The following POTEF variants were observed in gnomAD, a reference collection of about 807,000 sequenced individuals.
POTEF encodes the protein POTE ankyrin domain family member F.
In POTEF, 20 loss-of-function variants were observed where a neutral mutation model predicts 83.2. The observed-to-expected ratio is 0.24, with a 90% CI of 0.17 to 0.35. POTEF has a LOEUF of 0.35. Ranked by LOEUF, POTEF falls within the 10% of genes least tolerant of loss-of-function variation. POTEF has a pLI of 1.00. For missense variants in POTEF, 550 were observed against 1,203.2 expected (o/e 0.46, Z 8.03); for synonymous variants, 196 against 446.4 (o/e 0.44, Z 7.07).
chr2:130,094,982 A>T, intron 11 of POTEF, among the ~76,000 whole-genome samples: 1 of 151,802 alleles, frequency 6.6e-6, no homozygotes, highest in Non-Finnish European at 1.5e-5. Flanking sequence ...TTAAAAATGC[A>T]GACAATTACC....
chr2:130,115,778 A>C (rs1684830220), intron 3 of POTEF, among the ~76,000 whole-genome samples: 2 of 152,278 alleles, frequency 1.3e-5, no homozygotes, highest in Admixed American at 1.3e-4. Flanking sequence ...TACTAATACC[A>C]CTAAAGACAA....
intron 3 of POTEF, among the ~76,000 whole-genome samples, chr2:130,116,516 G>C (rs201286226): frequency 6.3e-4 from 91 of 145,256 alleles, no homozygotes; most frequent in South Asian, 8.9e-4. Context: ...CCTTCACCCT[G>C]TAATAGGCCC....
chr2:130,091,506 TTG>T (rs1457793851), intron 12 of POTEF, among the ~76,000 whole-genome samples: 1 of 152,258 alleles, frequency 6.6e-6, no homozygotes, highest in Admixed American at 6.5e-5. Flanking sequence ...CCTTTCGATG[TTG>T]TGTTGTGAGA....
intron 6 of POTEF, among the ~76,000 whole-genome samples, chr2:130,111,739 T>C (rs574656299): frequency 6.7e-6 from 1 of 148,940 alleles, no homozygotes; most frequent in South Asian, 2.1e-4. Flanking sequence ...TGAAATCCTT[T>C]AAGCTAACAT....
intron 11 of POTEF, among the ~76,000 whole-genome samples, chr2:130,095,280 C>T (rs1282883865): frequency 1.3e-5 from 1 of 78,002 alleles, no homozygotes; most frequent in African/African-American, 8.0e-5. Flanking sequence ...TCCCAAAGTG[C>T]TTTGATTACA....
Position 130,102,611 on chromosome 2 carries a change from T to C in POTEF, c.1127-431A>G, listed in dbSNP as rs1277909087. On this transcript the variant is annotated intron_variant, in intron 8 of 16. Coordinates refer to ENST00000409914, the MANE Select transcript of POTEF (RefSeq NM_001099771.2). ...CAGGAAAGGTCGTGGTGACCCTGCC[T>C]GAGAAGCCAGAGCCCACAGGTATGG... Among the ~76,000 whole-genome samples the C allele has an allele frequency of 2.3e-4, 34 of 149,326 alleles. No individual in the cohort carries two copies. In the Admixed American group the frequency reaches 2.3e-3, roughly 10 times the overall value.
chr2:130,103,293 G>A (rs1245980170), intron 8 of POTEF, among the ~76,000 whole-genome samples: 1 of 150,112 alleles, frequency 6.7e-6, no homozygotes, highest in Non-Finnish European at 1.5e-5. Flanking sequence ...AGTAGAGACG[G>A]GGTTTCACCA....
chr2:130,125,376 C>G (rs147601021), intron 2 of POTEF, among the ~76,000 whole-genome samples: 2,741 of 149,220 alleles, frequency 0.018, 258 homozygotes, highest in African/African-American at 0.068. Flanking sequence ...ACATATTCTT[C>G]CATGTATCAA....
chr2:130,118,712 T>A (rs1320539213), intron 3 of POTEF, among the ~76,000 whole-genome samples: 1 of 151,314 alleles, frequency 6.6e-6, no homozygotes, highest in Non-Finnish European at 1.5e-5. Flanking sequence ...AGTATATATA[T>A]AAATATATAT....
chr2:130,108,186 G>A (rs377672158), intron 7 of POTEF, 107 bp from the exon 8 acceptor site: 1 of 1,464,778 alleles, frequency 6.8e-7, no homozygotes, highest in Non-Finnish European at 9.2e-7. Context: ...CAGAATAACA[G>A]AACTTAATAG....
chr2:130,091,707 GTAAATT>G (rs1684132586), intron 12 of POTEF, among the ~76,000 whole-genome samples: 1 of 119,076 alleles, frequency 8.4e-6, no homozygotes, highest in East Asian at 2.8e-4. Context: ...ATTCTACCTG[GTAAATT>G]TCCCATGGCC....
chr2:130,122,077 T>C (rs973675549), intron 2 of POTEF, among the ~76,000 whole-genome samples: 27 of 150,762 alleles, frequency 1.8e-4, no homozygotes, highest in Non-Finnish European at 1.3e-4. Flanking sequence ...ATCATAATAA[T>C]ATAGTTACGT....
At chr2:130,107,048 T>C (rs1309410549) in intron 8 of POTEF, among the ~76,000 whole-genome samples, 3 of 149,250 alleles carry the variant, frequency 2.0e-5, no homozygotes, top group Admixed American at 6.7e-5. Context: ...ATTAAAGGTG[T>C]CCTCACACAG....
rs758523773 is a variant in POTEF at position 130,075,350 on chromosome 2, G to A, written c.2122C>T (p.Leu708Phe). The A allele has an allele frequency of 3.7e-6, 6 of 1,612,406 alleles. No individual in the cohort carries two copies. The highest frequency in any genetic ancestry group is 2.2e-5 in the East Asian group (1 of 44,870). ...ELTMDDDTAV[L>F]VIDNGSGMCK... The stretch of plus-strand genomic sequence containing the variant: ...ATGCCAGAGCCGTTGTCAATGACGA[G>A]CACAGCGGTATCATCATCCATGGTG... Residue 708 changes from leucine to phenylalanine, a missense_variant, in exon 17 of 17, where the codon CTC (leucine) becomes TTC (phenylalanine). Transcript: ENST00000409914.
chr2:130,116,331 G>A (rs1335633900), intron 3 of POTEF, among the ~76,000 whole-genome samples: 4 of 150,506 alleles, frequency 2.7e-5, no homozygotes, highest in South Asian at 4.2e-4. Flanking sequence ...TTTATGAAAC[G>A]ATTTGTGGAG....
intron 2 of POTEF, among the ~76,000 whole-genome samples, chr2:130,121,203 C>T (rs1007460371): frequency 6.7e-6 from 1 of 150,330 alleles, no homozygotes; most frequent in African/African-American, 2.5e-5. Context: ...GCATGCAACG[C>T]GCCTGCTTAA....
At chr2:130,121,877 A>G (rs1685010131) in intron 2 of POTEF, among the ~76,000 whole-genome samples, 1 of 117,348 alleles carries the variant, frequency 8.5e-6, no homozygotes, top group African/African-American at 3.3e-5. Context: ...TTAACTAGTT[A>G]AACAATCACC....
chr2:130,109,564 T>C (rs905596682), intron 7 of POTEF: 2 of 149,866 alleles, frequency 1.3e-5, no homozygotes, highest in African/African-American at 5.1e-5. Context: ...TACGGGACTT[T>C]CTACTGCCCA....
chr2:130,111,446 G>A (rs1239747377), intron 6 of POTEF, among the ~76,000 whole-genome samples: 6 of 152,006 alleles, frequency 3.9e-5, no homozygotes, highest in Non-Finnish European at 7.3e-5. Flanking sequence ...AAAATACACT[G>A]GAAAAACAAA....
Sources: gnomAD v4.1 joint callset for allele counts (sites outside exome capture counted in the v4.1 genomes callset) on GRCh38, gnomAD v4.1.1 for gene constraint, MANE v1.5 for transcripts, NCBI Gene and HGNC (gene_info 2026-07-23, HGNC 2026-07-21) for gene names.